The following TRAK2 variants were observed in gnomAD, a reference collection of about 807,000 sequenced individuals.
TRAK2 encodes trafficking kinesin-binding protein 2.
A neutral mutation model predicts 104.6 loss-of-function variants in TRAK2; 81 were observed. The observed-to-expected ratio is 0.77, with a 90% CI of 0.65 to 0.93. The LOEUF (loss-of-function observed/expected upper bound fraction) is 0.93, where lower values mean the gene tolerates loss of function less well. Among genes scored for constraint, TRAK2 ranks in the 40% least tolerant of loss-of-function variants. The probability of loss-of-function intolerance (pLI) is 0.00; values close to 1 mark genes in which losing one functional copy is unlikely to be tolerated. For synonymous variants in TRAK2, 406 were observed against 394.4 expected, an observed-to-expected ratio of 1.03 and a Z score of -0.35; for missense variants, 1,002 against 1,089.0, an observed-to-expected ratio of 0.92 and a Z score of 1.12.
chr2:201,414,608 G>A (rs1251642669), intron 2 of TRAK2, among the ~76,000 whole-genome samples: 1 of 152,082 alleles, frequency 6.6e-6, no homozygotes, highest in African/African-American at 2.4e-5. Flanking sequence ...ATAGAGATGA[G>A]GCAGATTTAA....
Position 201,387,953 on chromosome 2 carries a change from C to CA in TRAK2, c.1445dup (p.Leu482PhefsTer9). 1 of 1,614,058 alleles carries CA rather than the reference C, an allele frequency of 6.2e-7. No individual in the cohort carries two copies. Among genetic ancestry groups the CA allele is most frequent in the Non-Finnish European group, 8.5e-7 (1 of 1,179,990 alleles). On this transcript the variant is annotated frameshift_variant, in exon 13 of 16. Coordinates refer to ENST00000332624, the MANE Select transcript of TRAK2 (RefSeq NM_015049.3). LOFTEE classifies it high-confidence loss of function. ...AGCTAAGGCGATGCAGTGCTGTAGC[C>CA]AAATCACTATCTCCTGAGGGTCCTG...
chr2:201,399,330 A>T, intron 5 of TRAK2, 47 bp downstream of exon 5: 2 of 1,359,338 alleles, frequency 1.5e-6, no homozygotes, highest in Non-Finnish European at 2.1e-6. Context: ...TTTCAATTGC[A>T]TAAAACCTAA....
intron 2 of TRAK2, chr2:201,410,433 T>C: frequency 3.4e-6 from 2 of 596,116 alleles, no homozygotes; most frequent in South Asian, 4.0e-5. Context: ...ATGTTTTCTG[T>C]CACAGAACCA....
At chr2:201,414,271 CTGTTT>C in intron 2 of TRAK2, among the ~76,000 whole-genome samples, 1 of 152,170 alleles carries the variant, frequency 6.6e-6, no homozygotes, top group East Asian at 1.9e-4. Flanking sequence ...CCAAACTTAG[CTGTTT>C]ACAAAAAAGG....
intron 2 of TRAK2, among the ~76,000 whole-genome samples, chr2:201,417,257 A>G (rs1198182064): frequency 6.7e-6 from 1 of 150,192 alleles, no homozygotes; most frequent in African/African-American, 2.4e-5. Context: ...AAAAAAAAAA[A>G]AAGAAAAGAA....
At chr2:201,445,183 G>C (rs947923841) in intron 1 of TRAK2, among the ~76,000 whole-genome samples, 22 of 152,266 alleles carry the variant, frequency 1.4e-4, no homozygotes, top group African/African-American at 5.3e-4. Flanking sequence ...GTATCTTCAA[G>C]AGGTTATGTG....
At chr2:201,383,397 T>C (rs907996015) in intron 15 of TRAK2, among the ~76,000 whole-genome samples, 5 of 152,202 alleles carry the variant, frequency 3.3e-5, no homozygotes, top group African/African-American at 1.2e-4. Flanking sequence ...CTTTGAGTCA[T>C]GCAGTATCAG....
At chr2:201,436,505 T>A (rs80049643) in intron 1 of TRAK2, among the ~76,000 whole-genome samples, 87 of 152,344 alleles carry the variant, frequency 5.7e-4, no homozygotes, top group African/African-American at 2.1e-3. Context: ...TTCTGTATAA[T>A]CTGCTCTTCA....
Position 201,389,388 on chromosome 2 carries a change from TGATGACACTTGAAC to T in TRAK2, c.1295_1308del (p.Arg432HisfsTer7). 6.2e-7 allele frequency: 1 copy of T among 1,614,150 alleles called. No homozygotes were observed. ...CCAGACTCAAAAGGTTTTGCTGTCA[TGATGACACTTGAAC>T]GGTTGGAGCCTGGAATGGGTAACAG... On this transcript the variant is annotated frameshift_variant, in exon 12 of 16. Transcript: ENST00000332624. LOFTEE classifies it high-confidence loss of function.
At position 201,379,421 on chromosome 2, in the gene TRAK2, G is replaced by A. The variant is rs1951317689; in HGVS notation, c.*1122C>T. 1 of 152,392 alleles carries A rather than the reference G, an allele frequency of 6.6e-6. No individual in the cohort carries two copies. Among genetic ancestry groups the A allele is most frequent in the Admixed American group, 6.6e-5 (1 of 15,260 alleles). 9.4% of individuals were successfully genotyped at this position (152,392 alleles called of 1,614,324 possible). A position where few individuals can be genotyped will look rare whatever the true frequency, so the allele number is the denominator to read the frequency against. Reference sequence around the variant, plus strand: ...ATGTGTTTTATTTTATTTTACATTAGGAAGAAAAAACCACAATCTCAAAGC... The same window carrying A: ...ATGTGTTTTATTTTATTTTACATTAAGAAGAAAAAACCACAATCTCAAAGC... On this transcript the variant is annotated 3_prime_UTR_variant, in exon 16 of 16. Transcript: ENST00000332624.
At chr2:201,421,220 GA>G (rs1951738133) in intron 1 of TRAK2, among the ~76,000 whole-genome samples, 1 of 152,174 alleles carries the variant, frequency 6.6e-6, no homozygotes, top group Admixed American at 6.5e-5. Context: ...ATGAAGGCCA[GA>G]AGGGGGGAAA....
At chr2:201,434,028 G>A (rs1476683657) in intron 1 of TRAK2, among the ~76,000 whole-genome samples, 1 of 152,044 alleles carries the variant, frequency 6.6e-6, no homozygotes, top group Non-Finnish European at 1.5e-5. Context: ...CGCTATCTCG[G>A]CTCACTGCAA....
intron 3 of TRAK2, among the ~76,000 whole-genome samples, chr2:201,405,495 G>A (rs1181870906): frequency 6.6e-6 from 1 of 152,174 alleles, no homozygotes; most frequent in East Asian, 1.9e-4. Flanking sequence ...AGGCAGCTAT[G>A]ACTGTCTCAC....
At chr2:201,418,469 GAAT>G (rs1284544746) in intron 2 of TRAK2, among the ~76,000 whole-genome samples, 2 of 152,200 alleles carry the variant, frequency 1.3e-5, no homozygotes, top group African/African-American at 2.4e-5. Flanking sequence ...TAAATGGCCA[GAAT>G]AATTTTTGAA....
At chr2:201,421,569 G>T (rs189159737) in intron 1 of TRAK2, among the ~76,000 whole-genome samples, 4,269 of 124,662 alleles carry the variant, frequency 0.034, 188 homozygotes, top group African/African-American at 0.11. Flanking sequence ...CCCCTGGGGT[G>T]GGGGGGGCAA....
rs182443916 is a variant in TRAK2, at chr2:201,413,390, C to T, written c.92-5793G>A. ...AACTGGGCCTCTTTTTCCCCACCCC[C>T]CTAAACACAGGCTGTTCCTGCTCTG... On this transcript the variant is annotated intron_variant, in intron 2 of 15. Transcript: ENST00000332624. 2.4e-5 allele frequency: 15 copies of T among 613,276 alleles called. No individual in the cohort carries two copies. In the East Asian group the frequency reaches 3.0e-4, roughly 12 times the overall value. The allele number at this position is 613,276 out of a possible 1,614,324, so 38.0% of individuals were successfully genotyped here.
intron 10 of TRAK2, among the ~76,000 whole-genome samples, chr2:201,391,675 A>T (rs1951449429): frequency 6.6e-6 from 1 of 152,236 alleles, no homozygotes; most frequent in Non-Finnish European, 1.5e-5. Flanking sequence ...GATTACCTTA[A>T]CCAAGAGATC....
chr2:201,436,144 T>TA (rs560051204), intron 1 of TRAK2, among the ~76,000 whole-genome samples: 307 of 151,958 alleles, frequency 2.0e-3, no homozygotes, highest in Middle Eastern at 3.4e-3. Context: ...AAGTAACGAT[T>TA]AAAAAAGGAA....
chr2:201,431,073 C>T (rs1951838614), intron 1 of TRAK2, among the ~76,000 whole-genome samples: 1 of 152,134 alleles, frequency 6.6e-6, no homozygotes, highest in South Asian at 2.1e-4. Context: ...GAGTAATCTT[C>T]ACATAGAAGG....
Sources: allele counts gnomAD v4.1 joint callset (sites outside exome capture counted in the v4.1 genomes callset), GRCh38; gene constraint gnomAD v4.1.1; transcripts MANE v1.5; gene names NCBI Gene and HGNC (gene_info 2026-07-23, HGNC 2026-07-21).